Variants in UBAP1 observed in about 807,000 individuals in gnomAD.
UBAP1 encodes the protein ubiquitin-associated protein 1.
Under a neutral mutation model 39.0 loss-of-function variants are expected in UBAP1, and 5 were observed. The ratio of observed to expected loss-of-function variants is 0.13; its 90% CI spans 0.07 to 0.27. The LOEUF (loss-of-function observed/expected upper bound fraction) is 0.27. Ranked by LOEUF, UBAP1 falls within the 10% of genes least tolerant of loss-of-function variation. The pLI is 1.00. For synonymous variants in UBAP1, 211 were observed against 225.1 expected (o/e 0.94, Z 0.56); for missense variants, 490 against 608.1 (o/e 0.81, Z 2.04).
At chr9:34,183,597 A>T (rs551370226) in intron 1 of UBAP1, among the ~76,000 whole-genome samples, 13 of 150,404 alleles carry the variant, frequency 8.6e-5, no homozygotes, top group Non-Finnish European at 1.3e-4. Context: ...TCTAACAATT[A>T]AAAAAAAAGA....
intron 4 of UBAP1, among the ~76,000 whole-genome samples, chr9:34,249,268 T>C (rs1196555140): frequency 6.6e-6 from 1 of 152,146 alleles, no homozygotes; most frequent in Non-Finnish European, 1.5e-5. Context: ...TGTCCATGCA[T>C]GGGAACCACA....
At chr9:34,240,868 C>T (rs530993192) in intron 3 of UBAP1, among the ~76,000 whole-genome samples, 3 of 131,586 alleles carry the variant, frequency 2.3e-5, no homozygotes, top group African/African-American at 7.4e-5. Flanking sequence ...TGGCACCTTA[C>T]AGGTATTTCT....
At chr9:34,247,888 T>C (rs1587889279) in intron 4 of UBAP1, among the ~76,000 whole-genome samples, 1 of 152,228 alleles carries the variant, frequency 6.6e-6, no homozygotes, top group Non-Finnish European at 1.5e-5. Flanking sequence ...GCATTATTAT[T>C]ATTTCTTCAG....
rs1225433201 is a variant in UBAP1, at chr9:34,252,434, C to T, written c.*902C>T. 6.6e-6 allele frequency: 1 copy of T among 151,546 alleles called. No individual in the cohort carries two copies. Among genetic ancestry groups the T allele is most frequent in the Non-Finnish European group, 1.5e-5 (1 of 67,918 alleles). 9.4% of individuals were successfully genotyped at this position (151,546 alleles called of 1,614,324 possible). ...TTGTACATCATTAAAGATCTAAATA[C>T]AAAGGATATACAGTCTTGAATCTAA... On this transcript the variant is annotated 3_prime_UTR_variant, in exon 7 of 7. Coordinates refer to ENST00000297661, the MANE Select transcript of UBAP1 (RefSeq NM_016525.5).
chr9:34,188,768 C>T (rs924344497), intron 1 of UBAP1, among the ~76,000 whole-genome samples: 3 of 151,978 alleles, frequency 2.0e-5, no homozygotes, highest in African/African-American at 4.8e-5. Flanking sequence ...ACCAGCCTGG[C>T]CAACATGGTG....
chr9:34,204,402 G>T (rs942174114), intron 1 of UBAP1, among the ~76,000 whole-genome samples: 1 of 152,022 alleles, frequency 6.6e-6, no homozygotes, highest in African/African-American at 2.4e-5. Flanking sequence ...GGTGTGGATT[G>T]TATATACTTG....
chr9:34,250,894 A>C (rs1834466775), intron 6 of UBAP1, 135 bp downstream of exon 6: 2 of 753,126 alleles, frequency 2.7e-6, no homozygotes, highest in Non-Finnish European at 4.7e-6. Flanking sequence ...GAAGGGCAGA[A>C]TCTCCCAAGT....
chr9:34,221,667 A>G (rs1832770036), intron 2 of UBAP1, among the ~76,000 whole-genome samples: 1 of 152,064 alleles, frequency 6.6e-6, no homozygotes, highest in African/African-American at 2.4e-5. Context: ...CCTGTGCCCC[A>G]TCAAAGGAAG....
In UBAP1 at chr9:34,250,681, T is replaced by C. The variant is rs762908362; in HGVS notation, c.1290T>C (p.His430=). ...IEQILDYLFA[H]GQLCEKGFDP... is the part of the protein sequence containing the mutation. ...AGATTCTCGACTATCTCTTTGCACA[T>C]GGACAGCTTTGTGAGAAGGGCTTCG... Residue 430 remains histidine (H), a synonymous_variant, in exon 6 of 7, where the codon CAT becomes CAC. Coordinates refer to ENST00000297661, the MANE Select transcript of UBAP1 (RefSeq NM_016525.5). The C allele has an allele frequency of 6.2e-6, 10 of 1,613,432 alleles. No individual in the cohort carries two copies. The highest frequency in any genetic ancestry group is 7.6e-6 in the Non-Finnish European group (9 of 1,179,568).
In UBAP1 at chr9:34,181,116, C is replaced by CTTTTTTTTTTTTTTTTTTTTTTTT. The variant is rs67856544; in HGVS notation, c.-8+1893_-8+1894insTTTTTTTTTTTTTTTTTTTTTTTT. Reference sequence around the variant, plus strand: ...TGAGCCACCGCACCCGGCCTGTTTTCTTTTTTTTTTTTTTTTTGAGACAGA... The same window carrying CTTTTTTTTTTTTTTTTTTTTTTTT: ...TGAGCCACCGCACCCGGCCTGTTTTCTTTTTTTTTTTTTTTTTTTTTTTTTTTTTTTTTTTTTTTTTGAGACAGA... On this transcript the variant is annotated intron_variant, in intron 1 of 6. Coordinates refer to ENST00000297661, the MANE Select transcript of UBAP1 (RefSeq NM_016525.5). 4.3e-4 allele frequency among the ~76,000 whole-genome samples: 31 copies of CTTTTTTTTTTTTTTTTTTTTTTTT among 72,268 alleles called. 1 individual carries two copies. Among genetic ancestry groups the CTTTTTTTTTTTTTTTTTTTTTTTT allele is most frequent in the Non-Finnish European group, 5.6e-4 (22 of 39,224 alleles). 47.4% of individuals were successfully genotyped at this position (72,268 alleles called of 152,430 possible). A position where few individuals can be genotyped will look rare whatever the true frequency, so the allele number is the denominator to read the frequency against.
chr9:34,209,557 T>C (rs1379615785), intron 1 of UBAP1, among the ~76,000 whole-genome samples: 1 of 151,984 alleles, frequency 6.6e-6, no homozygotes, highest in Non-Finnish European at 1.5e-5. Flanking sequence ...TTGCACTCTT[T>C]ATTGTTAATA....
At chr9:34,246,474 T>A (rs919334635) in intron 4 of UBAP1, among the ~76,000 whole-genome samples, 4 of 152,240 alleles carry the variant, frequency 2.6e-5, no homozygotes, top group African/African-American at 7.2e-5. Context: ...GGACTTCAAT[T>A]TATTCCACAA....
chr9:34,234,522 TG>T (rs1833581809), intron 3 of UBAP1, among the ~76,000 whole-genome samples, 182 bp downstream of exon 3: 1 of 152,204 alleles, frequency 6.6e-6, no homozygotes, highest in African/African-American at 2.4e-5. Flanking sequence ...GGCTCACGCC[TG>T]TAATCCTAAC....
At chr9:34,226,137 G>GTT (rs1833079970) in intron 2 of UBAP1, among the ~76,000 whole-genome samples, 31 of 146,084 alleles carry the variant, frequency 2.1e-4, no homozygotes, top group African/African-American at 7.2e-4. Flanking sequence ...GTGTGTGTGT[G>GTT]TGTGTGTGTG....
rs756702387 is a variant in UBAP1, at chr9:34,184,206, CGA to C, written c.-8+4970_-8+4971del. Among the ~76,000 whole-genome samples, 4 of 152,064 alleles carry C rather than the reference CGA, an allele frequency of 2.6e-5. No homozygotes were observed. In the South Asian group the frequency reaches 8.3e-4, roughly 32 times the overall value. ...GTAACAGTAATATTTTCCTATGAAT[CGA>C]GAGTTACGATTTCAGGTTTTAGAAA... On this transcript the variant is annotated intron_variant, in intron 1 of 6. Coordinates refer to ENST00000297661, the MANE Select transcript of UBAP1 (RefSeq NM_016525.5).
chr9:34,206,429 G>A (rs936248986), intron 1 of UBAP1, among the ~76,000 whole-genome samples: 1 of 152,226 alleles, frequency 6.6e-6, no homozygotes, highest in South Asian at 2.1e-4. Flanking sequence ...AGGATCACTT[G>A]AGCTCGGGAG....
chr9:34,203,302 A>G (rs1170025290), intron 1 of UBAP1, among the ~76,000 whole-genome samples: 1 of 152,088 alleles, frequency 6.6e-6, no homozygotes, highest in African/African-American at 2.4e-5. Context: ...TCAGAGCAAG[A>G]CCCTGTCTCT....
At chr9:34,224,366 C>T (rs899348593) in intron 2 of UBAP1, 5 of 440,602 alleles carry the variant, frequency 1.1e-5, no homozygotes, top group South Asian at 4.9e-5. Context: ...TGGACCAGCT[C>T]GTTATTAAAC....
chr9:34,204,983 A>T (rs1326456598), intron 1 of UBAP1, among the ~76,000 whole-genome samples: 1 of 152,086 alleles, frequency 6.6e-6, no homozygotes, highest in Non-Finnish European at 1.5e-5. Flanking sequence ...GCTGACTTGA[A>T]ATTTCTGATT....
Sources: gnomAD v4.1 joint callset for allele counts (sites outside exome capture counted in the v4.1 genomes callset) on GRCh38, gnomAD v4.1.1 for gene constraint, MANE v1.5 for transcripts, NCBI Gene and HGNC (gene_info 2026-07-23, HGNC 2026-07-21) for gene names.